LRTM3: variants seen among roughly 807,000 people sequenced by gnomAD.
The protein encoded by LRTM3 is leucine rich repeat transmembrane protein 3, also known as leucine-rich repeat transmembrane protein 3.
chr13:102,735,591 G>A, the LRTM3 span: 5 of 1,550,852 alleles, frequency 3.2e-6, no homozygotes, highest in East Asian at 4.9e-5. Flanking sequence ...AGTAGTAATT[G>A]CTTTGCTTTC....
At chr13:102,743,611 T>G in the LRTM3 span, 2 of 1,550,472 alleles carry the variant, frequency 1.3e-6, no homozygotes, top group Non-Finnish European at 1.7e-6. Flanking sequence ...TGAAGAAATC[T>G]AAAGGACCCA....
At chr13:102,736,152 A>T in the LRTM3 span, 4 of 1,544,976 alleles carry the variant, frequency 2.6e-6, no homozygotes, top group Non-Finnish European at 3.5e-6. Context: ...GCACCTGATG[A>T]TATAGGAAGC....
chr13:102,738,520 T>C, the LRTM3 span: 1 of 1,550,928 alleles, frequency 6.4e-7, no homozygotes, highest in South Asian at 1.2e-5. Context: ...GAATTCCCTG[T>C]GAAATTGATG....
the LRTM3 span, chr13:102,758,507 G>A: frequency 6.5e-7 from 1 of 1,537,412 alleles, no homozygotes; most frequent in Admixed American, 2.0e-5. Flanking sequence ...GGATGAACAA[G>A]TTTTATATTA....
At chr13:102,750,892 G>C in the LRTM3 span, among the ~76,000 whole-genome samples, 1 of 152,110 alleles carries the variant, frequency 6.6e-6, no homozygotes, top group Non-Finnish European at 1.5e-5. Flanking sequence ...TTTTGGGCCG[G>C]AGTACTGATC....
the LRTM3 span, chr13:102,739,145 T>G: frequency 6.5e-7 from 1 of 1,550,084 alleles, no homozygotes; most frequent in Admixed American, 2.0e-5. Flanking sequence ...GAGTTTATTC[T>G]GAACTACATT....
the LRTM3 span, chr13:102,741,906 G>T: frequency 6.5e-7 from 1 of 1,550,332 alleles, no homozygotes; most frequent in Non-Finnish European, 8.7e-7. Flanking sequence ...ATATAGTATT[G>T]GGATATGTCT....
At chr13:102,738,367 A>G in the LRTM3 span, 30 of 1,550,778 alleles carry the variant, frequency 1.9e-5, no homozygotes, top group Admixed American at 3.5e-4. Context: ...TTGTTATTTC[A>G]GTGACATACT....
chr13:102,748,908 TCTC>T, the LRTM3 span: 1 of 1,550,400 alleles, frequency 6.4e-7, no homozygotes. Flanking sequence ...GAGATTCCTG[TCTC>T]CTCAAGAGGA....
At chr13:102,745,187 C>G in the LRTM3 span, 13 of 1,550,706 alleles carry the variant, frequency 8.4e-6, no homozygotes, top group Admixed American at 2.4e-4. Context: ...CTGACCTGAA[C>G]GGAACATGAA....
At chr13:102,729,782 T>C in the LRTM3 span, 1 of 1,551,882 alleles carries the variant, frequency 6.4e-7, no homozygotes, top group South Asian at 1.2e-5. Flanking sequence ...CTTCTTTCTG[T>C]CACGTTTCCC....
At chr13:102,736,118 G>A in the LRTM3 span, 1 of 1,541,172 alleles carries the variant, frequency 6.5e-7, no homozygotes, top group Admixed American at 2.0e-5. Flanking sequence ...ACCTTCATTT[G>A]AATTTGCAAG....
chr13:102,747,869 T>G, the LRTM3 span: 10 of 1,551,228 alleles, frequency 6.4e-6, no homozygotes, highest in South Asian at 8.3e-5. Flanking sequence ...TGAACTGATC[T>G]GTTCCATTTG....
the LRTM3 span, among the ~76,000 whole-genome samples, chr13:102,756,610 G>T: frequency 7.0e-6 from 1 of 143,836 alleles, no homozygotes; most frequent in Non-Finnish European, 1.5e-5. Context: ...GGAGGCGGAG[G>T]TTGCAGTGAG....
the LRTM3 span, chr13:102,747,465 A>G: frequency 6.5e-7 from 1 of 1,548,806 alleles, no homozygotes. Context: ...TTTGTTTCTG[A>G]TAATTTTTTT....
At chr13:102,744,632 G>C in the LRTM3 span, 1 of 1,550,848 alleles carries the variant, frequency 6.4e-7, no homozygotes, top group East Asian at 2.4e-5. Flanking sequence ...CTTCGGTTCA[G>C]ATCCTGATTT....
At chr13:102,746,615 G>A in the LRTM3 span, 2 of 1,551,142 alleles carry the variant, frequency 1.3e-6, no homozygotes, top group Non-Finnish European at 1.7e-6. Flanking sequence ...GGGCTTCGCT[G>A]TACTTGTTGT....
the LRTM3 span, among the ~76,000 whole-genome samples, chr13:102,753,493 T>TA: frequency 1.5e-5 from 1 of 65,788 alleles, no homozygotes; most frequent in African/African-American, 4.3e-5. Context: ...TAAAGTAAAA[T>TA]TAAAAAAAAA....
At chr13:102,740,148 G>T in the LRTM3 span, 574 of 1,547,812 alleles carry the variant, frequency 3.7e-4, 2 homozygotes, top group African/African-American at 7.0e-3. Flanking sequence ...TTCTTCCCAA[G>T]TCTTAACTTG....
Sources: gnomAD v4.1 joint callset for allele counts (sites outside exome capture counted in the v4.1 genomes callset) on GRCh38, gnomAD v4.1.1 for gene constraint, MANE v1.5 for transcripts, NCBI Gene and HGNC (gene_info 2026-07-23, HGNC 2026-07-21) for gene names.